MITF: variants seen among roughly 807,000 people sequenced by gnomAD.
MITF encodes microphthalmia-associated transcription factor.
A neutral mutation model predicts 60.5 loss-of-function variants in MITF; 17 were observed. That is an observed-to-expected ratio of 0.28 (90% confidence interval 0.19 to 0.42). The LOEUF is 0.42. MITF is among the 10% of genes least tolerant of loss of function. The pLI is 1.00. For missense variants in MITF, 622 were observed against 683.5 expected, an observed-to-expected ratio of 0.91 and a Z score of 1.00; for synonymous variants, 260 against 248.5, an observed-to-expected ratio of 1.05 and a Z score of -0.43.
At chr3:69,807,993 T>C (rs2063037626) in intron 1 of MITF, among the ~76,000 whole-genome samples, 1 of 150,044 alleles carries the variant, frequency 6.7e-6, no homozygotes, top group African/African-American at 2.4e-5. Context: ...AAATAATATA[T>C]AGACTTAACA....
At chr3:69,740,691 A>G (rs1703498522) in intron 1 of MITF, among the ~76,000 whole-genome samples, 1 of 152,198 alleles carries the variant, frequency 6.6e-6, no homozygotes, top group South Asian at 2.1e-4. Flanking sequence ...GGAGGCTGGA[A>G]TAGCTGAGAA....
intron 1 of MITF, among the ~76,000 whole-genome samples, chr3:69,751,036 A>C (rs931932020): frequency 6.6e-6 from 1 of 152,144 alleles, no homozygotes; most frequent in Non-Finnish European, 1.5e-5. Context: ...TAGCTTTACT[A>C]CCATAAGGAG....
intron 9 of MITF, 45 bp from the exon 10 acceptor site, chr3:69,964,802 C>G (rs2066641369): frequency 6.3e-7 from 1 of 1,599,484 alleles, no homozygotes. Context: ...TAAAAGTCCT[C>G]TGTGCTCTGC....
chr3:69,757,955 G>T (rs1289716977), intron 1 of MITF, among the ~76,000 whole-genome samples: 5 of 150,594 alleles, frequency 3.3e-5, no homozygotes, highest in African/African-American at 1.2e-4. Context: ...GCCAGGGGAG[G>T]TCTTTCTGGG....
intron 1 of MITF, among the ~76,000 whole-genome samples, chr3:69,777,108 T>C (rs2062486856): frequency 6.6e-6 from 1 of 152,134 alleles, no homozygotes; most frequent in South Asian, 2.1e-4. Flanking sequence ...TCAGGGTCAG[T>C]GTTGGGTGGA....
At chr3:69,963,724 C>A (rs2066608545) in intron 9 of MITF, among the ~76,000 whole-genome samples, 1 of 152,062 alleles carries the variant, frequency 6.6e-6, no homozygotes, top group African/African-American at 2.4e-5. Flanking sequence ...ACAGCAACTG[C>A]CAAAAGCTCA....
At position 69,776,453 on chromosome 3, in the gene MITF, C is replaced by G. The variant is rs572650893; in HGVS notation, c.104+36752C>G. On this transcript the variant is annotated intron_variant, in intron 1 of 9. Transcript: ENST00000352241. ...TCTTGGGCTGGTTACTTGACATTTGCGTGTTTGAGTTTCCTCATATGCACA... is the reference window on the plus strand; with the variant it reads ...TCTTGGGCTGGTTACTTGACATTTGGGTGTTTGAGTTTCCTCATATGCACA... Among the ~76,000 whole-genome samples, 3 of 152,238 alleles carry G rather than the reference C, an allele frequency of 2.0e-5. No individual in the cohort carries two copies. The East Asian group carries it at 5.8e-4, about 29-fold the overall frequency.
intron 1 of MITF, among the ~76,000 whole-genome samples, chr3:69,861,037 A>C (rs1294210145): frequency 6.6e-6 from 1 of 152,190 alleles, no homozygotes; most frequent in Non-Finnish European, 1.5e-5. Flanking sequence ...GATGGTTTCA[A>C]ATTAGAGCCG....
chr3:69,782,302 T>C (rs1259951545), intron 1 of MITF, among the ~76,000 whole-genome samples: 1 of 152,226 alleles, frequency 6.6e-6, no homozygotes, highest in East Asian at 1.9e-4. Context: ...GTTTATCATC[T>C]CTATCAATCA....
Position 69,936,829 on chromosome 3 carries a change from T to C in MITF, c.355-993T>C. ...AATTGATTTAATCCACTTTTTGTTA[T>C]TGTAATAGACATACTGTTTTCAATA... On this transcript the variant is annotated intron_variant, in intron 2 of 9. Coordinates refer to ENST00000352241, the MANE Select transcript of MITF (RefSeq NM_001354604.2). 2.9e-6 allele frequency: 4 copies of C among 1,382,592 alleles called. No homozygotes were observed. In the South Asian group the frequency reaches 4.8e-5, roughly 17 times the overall value. 85.6% of individuals were successfully genotyped at this position (1,382,592 alleles called of 1,614,324 possible). A position where few individuals can be genotyped will look rare whatever the true frequency, so the allele number is the denominator to read the frequency against.
At chr3:69,845,650 G>A (rs148487025) in intron 1 of MITF, among the ~76,000 whole-genome samples, 1 of 152,158 alleles carries the variant, frequency 6.6e-6, no homozygotes, top group East Asian at 1.9e-4. Flanking sequence ...GCCTTTAGAT[G>A]TGTTTGTGTC....
intron 1 of MITF, among the ~76,000 whole-genome samples, chr3:69,797,445 C>T (rs895215202): frequency 2.3e-4 from 35 of 151,296 alleles, no homozygotes; most frequent in African/African-American, 8.3e-4. Flanking sequence ...ATTCTTTTGG[C>T]CAGACAGGAA....
chr3:69,882,782 T>C, intron 2 of MITF, among the ~76,000 whole-genome samples: 1 of 152,186 alleles, frequency 6.6e-6, no homozygotes. Context: ...TCACCAAGCA[T>C]CTGTTTTCAT....
At chr3:69,818,388 C>T (rs538710328) in intron 1 of MITF, among the ~76,000 whole-genome samples, 3 of 152,286 alleles carry the variant, frequency 2.0e-5, no homozygotes, top group South Asian at 2.1e-4. Context: ...TCTTTAACTC[C>T]GTCCCTATCC....
chr3:69,960,192 T>G (rs2066505873), intron 9 of MITF, among the ~76,000 whole-genome samples: 1 of 152,162 alleles, frequency 6.6e-6, no homozygotes, highest in Non-Finnish European at 1.5e-5. Flanking sequence ...CGGGAAGCAG[T>G]TGATGGTCAA....
At chr3:69,857,650 A>C (rs2063943001) in intron 1 of MITF, among the ~76,000 whole-genome samples, 1 of 152,154 alleles carries the variant, frequency 6.6e-6, no homozygotes, top group Non-Finnish European at 1.5e-5. Context: ...TGGTGTTTAA[A>C]GGTTGCAAAT....
At chr3:69,900,141 G>A (rs2064964474) in intron 2 of MITF, among the ~76,000 whole-genome samples, 1 of 152,214 alleles carries the variant, frequency 6.6e-6, no homozygotes, top group African/African-American at 2.4e-5. Flanking sequence ...TTCAGGGAAG[G>A]TAATGGTGGG....
At chr3:69,842,752 T>TGTCG (rs2063662481) in intron 1 of MITF, among the ~76,000 whole-genome samples, 2 of 151,176 alleles carry the variant, frequency 1.3e-5, no homozygotes, top group Admixed American at 1.3e-4. Flanking sequence ...CAGAACTGAC[T>TGTCG]GAGATGGATG....
At chr3:69,906,714 A>G (rs976889168) in intron 2 of MITF, among the ~76,000 whole-genome samples, 7 of 152,166 alleles carry the variant, frequency 4.6e-5, no homozygotes, top group East Asian at 1.9e-4. Context: ...CACAAGGCCA[A>G]TTAAACCCTG....
Sources: allele counts gnomAD v4.1 joint callset (sites outside exome capture counted in the v4.1 genomes callset), GRCh38; gene constraint gnomAD v4.1.1; transcripts MANE v1.5; gene names NCBI Gene and HGNC (gene_info 2026-07-23, HGNC 2026-07-21).